TENM3: variants seen among roughly 807,000 people sequenced by gnomAD.
The protein encoded by TENM3 is teneurin transmembrane protein 3.
TENM3 carries 63 observed loss-of-function variants against 255.1 expected under a neutral mutation model. The observed-to-expected ratio is 0.25, with a 90% CI of 0.20 to 0.30. The LOEUF is 0.30. Ranked by LOEUF, TENM3 falls within the 10% of genes least tolerant of loss-of-function variation. The pLI, the probability that TENM3 is intolerant of heterozygous loss-of-function variation, is 1.00. For missense variants in TENM3, 2,929 were observed against 3,461.1 expected (o/e 0.85, Z 3.86); for synonymous variants, 1,306 against 1,322.3 (o/e 0.99, Z 0.27).
chr4:181,895,343 T>C, the TENM3 span, among the ~76,000 whole-genome samples: 1 of 151,920 alleles, frequency 6.6e-6, no homozygotes, highest in Admixed American at 6.6e-5. Flanking sequence ...AAACAATAAG[T>C]TTCTTTCTGA....
the TENM3 span, among the ~76,000 whole-genome samples, chr4:181,699,464 A>G: frequency 8.7e-5 from 13 of 148,850 alleles, no homozygotes; most frequent in South Asian, 2.5e-3. Flanking sequence ...AAAAAAAAAA[A>G]AAAAAAAAGA....
At chr4:181,571,250 G>A in the TENM3 span, among the ~76,000 whole-genome samples, 3 of 152,282 alleles carry the variant, frequency 2.0e-5, no homozygotes, top group African/African-American at 4.8e-5. Flanking sequence ...AACTACATCC[G>A]TTTCCTAGAT....
At chr4:182,299,700 T>C (rs530380470) in intron 1 of TENM3, among the ~76,000 whole-genome samples, 1 of 151,788 alleles carries the variant, frequency 6.6e-6, no homozygotes, top group South Asian at 2.1e-4. Flanking sequence ...ATTGTAGAGA[T>C]GGGACAAGTA....
chr4:182,737,795 A>G (rs965377659), intron 17 of TENM3, among the ~76,000 whole-genome samples: 3 of 152,228 alleles, frequency 2.0e-5, no homozygotes, highest in African/African-American at 4.8e-5. Flanking sequence ...GTTCAAATCA[A>G]TCCAGTAATT....
At chr4:182,650,889 A>AAAAAAAAAATATATATATATATAT (rs1281790163) in intron 5 of TENM3, among the ~76,000 whole-genome samples, 1 of 29,768 alleles carries the variant, frequency 3.4e-5, no homozygotes, top group Non-Finnish European at 5.7e-5. Flanking sequence ...AATAAAAAAA[A>AAAAAAAAAATATATATATATATAT]ATATATATAT....
At chr4:181,551,234 G>A in the TENM3 span, among the ~76,000 whole-genome samples, 1 of 152,112 alleles carries the variant, frequency 6.6e-6, no homozygotes, top group African/African-American at 2.4e-5. Flanking sequence ...TTTTGTTCCT[G>A]CTCTTTCTGG....
At chr4:182,651,529 A>T (rs1277026414) in intron 5 of TENM3, among the ~76,000 whole-genome samples, 1 of 148,714 alleles carries the variant, frequency 6.7e-6, no homozygotes. Context: ...CGTCTGTAAT[A>T]AAAAAAAAAT....
At chr4:182,595,742 A>C (rs1747155068) in intron 3 of TENM3, among the ~76,000 whole-genome samples, 1 of 152,046 alleles carries the variant, frequency 6.6e-6, no homozygotes, top group African/African-American at 2.4e-5. Flanking sequence ...AAAGATAGAG[A>C]GGAATATTTT....
At chr4:181,751,209 C>A in the TENM3 span, among the ~76,000 whole-genome samples, 4 of 152,052 alleles carry the variant, frequency 2.6e-5, no homozygotes, top group African/African-American at 7.2e-5. Context: ...TCAAAGTTAA[C>A]AATAGCATTG....
At chr4:182,196,355 TG>T (rs760970922) in intron 1 of TENM3, among the ~76,000 whole-genome samples, 52 of 152,262 alleles carry the variant, frequency 3.4e-4, no homozygotes, top group Non-Finnish European at 6.6e-4. Flanking sequence ...CCGGACAGAT[TG>T]GAAGTGTAGC....
the TENM3 span, among the ~76,000 whole-genome samples, chr4:181,614,963 T>C: frequency 6.6e-6 from 1 of 152,202 alleles, no homozygotes; most frequent in Non-Finnish European, 1.5e-5. Flanking sequence ...ATCAGACTCC[T>C]GGCCTGAGTT....
At chr4:182,332,415 A>G (rs1300227021) in intron 2 of TENM3, among the ~76,000 whole-genome samples, 1 of 152,162 alleles carries the variant, frequency 6.6e-6, no homozygotes, top group African/African-American at 2.4e-5. Context: ...AGTTCAAGCC[A>G]GGCACAGTGG....
At chr4:182,190,592 G>GAA (rs376078314) in intron 1 of TENM3, among the ~76,000 whole-genome samples, 1 of 152,262 alleles carries the variant, frequency 6.6e-6, no homozygotes, top group East Asian at 1.9e-4. Flanking sequence ...CAGACCAGTG[G>GAA]AAATTTGAGA....
chr4:181,519,042 AAT>A, the TENM3 span, among the ~76,000 whole-genome samples: 2 of 152,218 alleles, frequency 1.3e-5, no homozygotes, highest in Admixed American at 6.5e-5. Context: ...TAACAAAAAA[AAT>A]ATATGTTTAA....
At chr4:182,177,441 C>T (rs982340045) in intron 1 of TENM3, among the ~76,000 whole-genome samples, 2 of 152,028 alleles carry the variant, frequency 1.3e-5, no homozygotes, top group African/African-American at 4.8e-5. Flanking sequence ...TACCCGCTGC[C>T]CTTGGTCTTC....
At chr4:181,809,844 C>T in the TENM3 span, among the ~76,000 whole-genome samples, 1 of 152,042 alleles carries the variant, frequency 6.6e-6, no homozygotes, top group Admixed American at 6.6e-5. Context: ...TGGCCCTGAT[C>T]CCAGGAACGC....
At chr4:181,644,075 CAAAAAAAA>C in the TENM3 span, among the ~76,000 whole-genome samples, 1 of 58,234 alleles carries the variant, frequency 1.7e-5, no homozygotes, top group Non-Finnish European at 3.5e-5. Flanking sequence ...GACTCCATCT[CAAAAAAAA>C]AAAAAAAAAA....
At chr4:182,641,402 T>C (rs1210868111) in intron 5 of TENM3, among the ~76,000 whole-genome samples, 1 of 152,232 alleles carries the variant, frequency 6.6e-6, no homozygotes, top group Non-Finnish European at 1.5e-5. Flanking sequence ...TTCAAAGAAT[T>C]GTAATTTTCA....
the TENM3 span, among the ~76,000 whole-genome samples, chr4:181,801,666 AT>A: frequency 3.9e-4 from 12 of 30,512 alleles, no homozygotes; most frequent in African/African-American, 1.1e-3. Flanking sequence ...ATATATATAT[AT>A]ATATATATAT....
Sources: allele counts gnomAD v4.1 joint callset (sites outside exome capture counted in the v4.1 genomes callset), GRCh38; gene constraint gnomAD v4.1.1; transcripts MANE v1.5; gene names NCBI Gene and HGNC (gene_info 2026-07-23, HGNC 2026-07-21).